The following LRP2BP variants were observed in gnomAD, a reference collection of about 807,000 sequenced individuals.
LRP2BP encodes the protein LRP2 binding protein, also known as LRP2-binding protein.
A neutral mutation model predicts 45.2 loss-of-function variants in LRP2BP; 38 were observed. That is an observed-to-expected ratio of 0.84 (90% CI 0.65 to 1.10). LRP2BP has a LOEUF of 1.10. LRP2BP is among the 50% of genes least tolerant of loss of function. The pLI is 0.00. For synonymous variants in LRP2BP, 153 were observed against 153.9 expected (o/e 0.99, Z 0.04); for missense variants, 385 against 418.9 (o/e 0.92, Z 0.71).
At chr4:185,377,941 C>A in intron 2 of LRP2BP, 140 bp downstream of exon 2, 1 of 668,522 alleles carries the variant, frequency 1.5e-6, no homozygotes, top group East Asian at 2.9e-5. Flanking sequence ...CAGATTCTTG[C>A]GGGAAAACTC....
Position 185,365,461 on chromosome 4 carries a change from T to C in LRP2BP, c.*1719A>G, listed in dbSNP as rs1376005521. 1 of 151,950 alleles carries C rather than the reference T, an allele frequency of 6.6e-6. No homozygotes were observed. The highest frequency in any genetic ancestry group is 1.5e-5 in the Non-Finnish European group (1 of 68,026). The allele number at this position is 151,950 out of a possible 1,614,324, so 9.4% of individuals were successfully genotyped here. On this transcript the variant is annotated 3_prime_UTR_variant, in exon 9 of 9. Transcript: ENST00000505916. ...ACCTCTGCCTCCTGGTTTCAAGCAGTTCTTCTGTCTCAGCCTCCCGAGTAG... is the reference window on the plus strand; with the variant it reads ...ACCTCTGCCTCCTGGTTTCAAGCAGCTCTTCTGTCTCAGCCTCCCGAGTAG...
intron 3 of LRP2BP, among the ~76,000 whole-genome samples, chr4:185,376,573 C>T (rs534986896): frequency 5.3e-5 from 8 of 151,428 alleles, no homozygotes; most frequent in South Asian, 2.1e-4. Context: ...GGATTACAGG[C>T]GTGAGCCACC....
At chr4:185,375,966 G>C (rs946379184) in intron 3 of LRP2BP, among the ~76,000 whole-genome samples, 2 of 152,084 alleles carry the variant, frequency 1.3e-5, no homozygotes, top group African/African-American at 4.8e-5. Context: ...ATAGACGAAG[G>C]TGCCATCGAA....
chr4:185,375,487 A>AAAAAATATAAATATAT (rs1554018308), intron 4 of LRP2BP, 126 bp downstream of exon 4: 1 of 12,010 alleles, frequency 8.3e-5, no homozygotes, highest in Non-Finnish European at 1.5e-4. Context: ...AAAAAAAAAA[A>AAAAAATATAAATATAT]ATATATATAT....
chr4:185,396,291 G>A (rs1354523245), upstream of LRP2BP: 25 of 152,388 alleles, frequency 1.6e-4, no homozygotes, highest in Admixed American at 1.6e-3. Context: ...GTTCCCCGGC[G>A]CCGAGGCGGC....
At chr4:185,395,994 C>G (rs1161889121), upstream of LRP2BP, 3 of 782,114 alleles carry the variant, frequency 3.8e-6, no homozygotes, top group Non-Finnish European at 4.7e-6. Context: ...CAGTGACGCA[C>G]GCCCGACAGC....
upstream of LRP2BP, chr4:185,397,101 G>A: frequency 1.9e-6 from 3 of 1,610,298 alleles, no homozygotes; most frequent in South Asian, 2.2e-5. Context: ...GGAGGGGCGC[G>A]GGACTGGACA....
intron 1 of LRP2BP, chr4:185,378,950 G>A: frequency 1.0e-6 from 1 of 985,376 alleles, no homozygotes; most frequent in Non-Finnish European, 1.2e-6. Flanking sequence ...GAAATAGAGA[G>A]ACCCTTAGTG....
chr4:185,396,672 C>G (rs887858444), upstream of LRP2BP: 4 of 519,886 alleles, frequency 7.7e-6, no homozygotes, highest in Non-Finnish European at 1.4e-5. Flanking sequence ...CCCCCGGCGC[C>G]GGGCTCCACG....
At chr4:185,390,658 G>A (rs2126847466) in intron 1 of LRP2BP, 1 of 152,322 alleles carries the variant, frequency 6.6e-6, no homozygotes, top group East Asian at 1.9e-4. Context: ...TCTAGAGAAT[G>A]CCTACGGTCT....
At position 185,378,594 on chromosome 4, in the gene LRP2BP, G is replaced by GA. The variant is rs575444322; in HGVS notation, c.-21-388dup. On this transcript the variant is annotated intron_variant, in intron 1 of 8. Transcript: ENST00000505916. The stretch of plus-strand genomic sequence containing the variant: ...TGGTACCTTCTCTGCCCTTGTAACT[G>GA]ACACTCATCGGACGAATCCATTTCA... 3.4e-3 allele frequency: 3,402 copies of GA among 997,596 alleles called. 8 individuals carry two copies. The highest frequency in any genetic ancestry group is 3.8e-3 in the Non-Finnish European group (3,203 of 838,384). 61.8% of individuals were successfully genotyped at this position (997,596 alleles called of 1,614,324 possible). A position where few individuals can be genotyped will look rare whatever the true frequency, so the allele number is the denominator to read the frequency against.
At chr4:185,388,643 T>C (rs546736051) in intron 1 of LRP2BP, among the ~76,000 whole-genome samples, 2 of 152,310 alleles carry the variant, frequency 1.3e-5, no homozygotes, top group East Asian at 3.9e-4. Context: ...TTTCAAATGA[T>C]AAATTATACA....
chr4:185,378,020 A>C (rs1366924348), intron 2 of LRP2BP, 61 bp downstream of exon 2: 4 of 1,294,646 alleles, frequency 3.1e-6, no homozygotes, highest in African/African-American at 1.5e-5. Flanking sequence ...CGTTTGCTCT[A>C]GCATGCAAAA....
chr4:185,373,144 A>T, intron 6 of LRP2BP, 65 bp from the exon 7 acceptor site: 2 of 1,401,724 alleles, frequency 1.4e-6, no homozygotes, highest in Admixed American at 3.7e-5. Flanking sequence ...AGGGAATACT[A>T]GACAGAAAAG....
chr4:185,397,264 C>A, upstream of LRP2BP: 1 of 1,614,124 alleles, frequency 6.2e-7, no homozygotes, highest in Non-Finnish European at 8.5e-7. Flanking sequence ...TTGCTTTCTT[C>A]TCTGGCAGCT....
chr4:185,368,628 AATGATCTCC>A (rs1376237767), intron 8 of LRP2BP, among the ~76,000 whole-genome samples: 1 of 152,138 alleles, frequency 6.6e-6, no homozygotes, highest in African/African-American at 2.4e-5. Flanking sequence ...ACTGCCTCTA[AATGATCTCC>A]ATTTTATCAG....
chr4:185,376,764 C>G, intron 3 of LRP2BP, 145 bp downstream of exon 3: 3 of 609,144 alleles, frequency 4.9e-6, no homozygotes, highest in Non-Finnish European at 8.7e-6. Flanking sequence ...GCACTGTATC[C>G]TACTGTTAAA....
intron 1 of LRP2BP, among the ~76,000 whole-genome samples, chr4:185,386,145 AAAAAT>A (rs984801556): frequency 6.6e-6 from 1 of 152,238 alleles, no homozygotes; most frequent in Admixed American, 6.5e-5. Context: ...GTTCTGGACA[AAAAAT>A]AAAACACAAA....
Position 185,370,751 on chromosome 4 carries a change from C to T in LRP2BP, c.867G>A (p.Pro289=), listed in dbSNP as rs753921893. ...TTGCCATGCCTCTGCCGATGAACTC[C>T]GGGAGACAGTCTGTGACCTGGGCGA... ...PMIAQVTDCL[P]EFIGRGMAMA... Residue 289 remains proline (P), a synonymous_variant, in exon 8 of 9, where the codon CCG becomes CCA. Transcript: ENST00000505916. 2.0e-5 allele frequency: 33 copies of T among 1,613,950 alleles called. No individual in the cohort carries two copies. The highest frequency in any genetic ancestry group is 8.8e-5 in the South Asian group (8 of 91,080).
Sources: gnomAD v4.1 joint callset for allele counts (sites outside exome capture counted in the v4.1 genomes callset) on GRCh38, gnomAD v4.1.1 for gene constraint, MANE v1.5 for transcripts, NCBI Gene and HGNC (gene_info 2026-07-23, HGNC 2026-07-21) for gene names.